COL26A1: variants seen among roughly 807,000 people sequenced by gnomAD.
The protein encoded by COL26A1 is collagen alpha-1(XXVI) chain.
In COL26A1, 41 loss-of-function variants were observed where a neutral mutation model predicts 59.3. The observed-to-expected ratio is 0.69, with a 90% CI of 0.54 to 0.90. The LOEUF is 0.90. Among genes scored for constraint, COL26A1 ranks in the 40% least tolerant of loss-of-function variants. The pLI is 0.00. For synonymous variants in COL26A1, 266 were observed against 256.0 expected, an observed-to-expected ratio of 1.04 and a Z score of -0.37; for missense variants, 612 against 602.3, an observed-to-expected ratio of 1.02 and a Z score of -0.17.
chr7:101,550,561 T>C (rs1332562811), intron 9 of COL26A1, among the ~76,000 whole-genome samples: 3 of 152,178 alleles, frequency 2.0e-5, no homozygotes, highest in African/African-American at 7.2e-5. Context: ...CAGGGAAGGC[T>C]GTAGTTTCAC....
intron 1 of COL26A1, among the ~76,000 whole-genome samples, chr7:101,367,020 A>G (rs1370310822): frequency 6.6e-6 from 1 of 152,130 alleles, no homozygotes; most frequent in Non-Finnish European, 1.5e-5. Flanking sequence ...AGTTAACTTG[A>G]TCTGCAATGT....
At chr7:101,454,468 A>G (rs1004985744) in intron 3 of COL26A1, among the ~76,000 whole-genome samples, 1 of 151,962 alleles carries the variant, frequency 6.6e-6, no homozygotes, top group African/African-American at 2.4e-5. Context: ...TATGTTGGTC[A>G]GGTTGGTCTC....
intron 3 of COL26A1, among the ~76,000 whole-genome samples, chr7:101,520,662 A>ACACACACACCCC (rs915256077): frequency 2.1e-5 from 3 of 143,356 alleles, no homozygotes; most frequent in African/African-American, 7.7e-5. Context: ...ACACACACAC[A>ACACACACACCCC]CCCCCGTGTT....
At chr7:101,546,829 G>A (rs1321394849) in intron 7 of COL26A1, among the ~76,000 whole-genome samples, 1 of 152,044 alleles carries the variant, frequency 6.6e-6, no homozygotes, top group South Asian at 2.1e-4. Flanking sequence ...GGATGGGCCT[G>A]TGGGATGGAG....
At chr7:101,379,991 C>T (rs577694609) in intron 1 of COL26A1, among the ~76,000 whole-genome samples, 1 of 152,232 alleles carries the variant, frequency 6.6e-6, no homozygotes, top group East Asian at 1.9e-4. Flanking sequence ...TACTTACTTA[C>T]TTTCTTTTTT....
At position 101,557,483 on chromosome 7, in the gene COL26A1, C is replaced by T. The variant is rs1796008298; in HGVS notation, c.1279C>T (p.Pro427Ser). ...TGGGGTCCTTGCTGCCCTGCTTGGG[C>T]CCGACCCTGGACAGAAGAGCGTGGA... ...PDGVLAALLG[P>S]DPGQKSVDQA... Residue 427 changes from proline to serine, a missense_variant, in exon 13 of 13, where the codon CCC (proline) becomes TCC (serine). Coordinates refer to ENST00000313669, the MANE Select transcript of COL26A1 (RefSeq NM_001278563.3). 2 of 1,613,686 alleles carry T rather than the reference C, an allele frequency of 1.2e-6. No individual in the cohort carries two copies.
intron 1 of COL26A1, among the ~76,000 whole-genome samples, chr7:101,412,004 G>A (rs755062325): frequency 6.6e-6 from 1 of 152,146 alleles, no homozygotes; most frequent in Non-Finnish European, 1.5e-5. Flanking sequence ...AAGTGTCCTG[G>A]GGAGGGAGGG....
At chr7:101,533,031 T>A in intron 3 of COL26A1, 51 bp from the exon 4 acceptor site, 2 of 1,418,540 alleles carry the variant, frequency 1.4e-6, no homozygotes, top group Non-Finnish European at 1.9e-6. Flanking sequence ...TGGGCTGCTG[T>A]CTTCCTAGGG....
intron 2 of COL26A1, among the ~76,000 whole-genome samples, chr7:101,444,856 T>G (rs139736339): frequency 2.3e-3 from 352 of 152,122 alleles, no homozygotes; most frequent in African/African-American, 8.0e-3. Context: ...TTTGTTTATT[T>G]TTTTTGAGAT....
chr7:101,558,924 G>A lies in COL26A1; in HGVS notation c.*1394G>A, dbSNP rs895604309. On this transcript the variant is annotated 3_prime_UTR_variant, in exon 13 of 13. Coordinates refer to ENST00000313669, the MANE Select transcript of COL26A1 (RefSeq NM_001278563.3). ...TCTTCTGGCCCTTGAGGCAGGTCTG[G>A]AGAGGCAGTCTCTGTCTTCATGGAG... The A allele has an allele frequency of 2.0e-5, 3 of 152,476 alleles. No individual in the cohort carries two copies. Among genetic ancestry groups the A allele is most frequent in the Non-Finnish European group, 2.9e-5 (2 of 68,250 alleles). The allele number at this position is 152,476 out of a possible 1,614,324, so 9.4% of individuals were successfully genotyped here.
At chr7:101,530,166 T>A (rs775027930) in intron 3 of COL26A1, among the ~76,000 whole-genome samples, 3 of 151,858 alleles carry the variant, frequency 2.0e-5, no homozygotes, top group Non-Finnish European at 2.9e-5. Flanking sequence ...GGTAGCTGGG[T>A]GGGTGAGTGA....
chr7:101,499,703 A>T (rs1421996074), intron 3 of COL26A1, among the ~76,000 whole-genome samples: 1 of 151,472 alleles, frequency 6.6e-6, no homozygotes, highest in Non-Finnish European at 1.5e-5. Flanking sequence ...AATAAAAATA[A>T]TATTAAAAAA....
intron 2 of COL26A1, among the ~76,000 whole-genome samples, chr7:101,438,128 G>A (rs1444652099): frequency 1.3e-5 from 2 of 151,450 alleles, no homozygotes; most frequent in South Asian, 2.1e-4. Context: ...CTGGGAAGCC[G>A]AGGCGGGCGG....
intron 1 of COL26A1, among the ~76,000 whole-genome samples, chr7:101,384,361 C>T (rs1054296794): frequency 3.3e-5 from 5 of 151,894 alleles, no homozygotes; most frequent in South Asian, 2.1e-4. Context: ...CTCAGCCTCC[C>T]GAGTAGCTGG....
At chr7:101,457,401 A>G (rs574091702) in intron 3 of COL26A1, among the ~76,000 whole-genome samples, 2 of 152,346 alleles carry the variant, frequency 1.3e-5, no homozygotes, top group South Asian at 2.1e-4. Context: ...AGCAGAATTC[A>G]GGCACCTATA....
At chr7:101,432,923 A>G (rs953643387) in intron 2 of COL26A1, among the ~76,000 whole-genome samples, 15 of 152,064 alleles carry the variant, frequency 9.9e-5, no homozygotes, top group African/African-American at 3.6e-4. Flanking sequence ...GCTGGTCTCG[A>G]ACTCCTGACC....
At chr7:101,535,417 T>A (rs1049861240) in intron 4 of COL26A1, among the ~76,000 whole-genome samples, 1 of 152,160 alleles carries the variant, frequency 6.6e-6, no homozygotes, top group Non-Finnish European at 1.5e-5. Flanking sequence ...CTCAGCCCAG[T>A]ATTGTGGGTG....
chr7:101,556,840 G>T (rs899513829), intron 12 of COL26A1, among the ~76,000 whole-genome samples: 3 of 151,988 alleles, frequency 2.0e-5, no homozygotes, highest in Admixed American at 6.6e-5. Flanking sequence ...ATGATAGATG[G>T]ATGGGTAAAT....
Position 101,368,195 on chromosome 7 carries a change from A to G in COL26A1, c.158+5005A>G, listed in dbSNP as rs545201099. Among the ~76,000 whole-genome samples, 4 of 152,306 alleles carry G rather than the reference A, an allele frequency of 2.6e-5. No individual in the cohort carries two copies. In the East Asian group the frequency reaches 7.7e-4, roughly 29 times the overall value. ...TCGTTTTCTATTTTGGCAGAATTACATCTTGGGTGCTGTAGTGTTTTTCCA... is the reference window on the plus strand; with the variant it reads ...TCGTTTTCTATTTTGGCAGAATTACGTCTTGGGTGCTGTAGTGTTTTTCCA... On this transcript the variant is annotated intron_variant, in intron 1 of 12. Coordinates refer to ENST00000313669, the MANE Select transcript of COL26A1 (RefSeq NM_001278563.3).
Sources: allele counts gnomAD v4.1 joint callset (sites outside exome capture counted in the v4.1 genomes callset), GRCh38; gene constraint gnomAD v4.1.1; transcripts MANE v1.5; gene names NCBI Gene and HGNC (gene_info 2026-07-23, HGNC 2026-07-21).